SIPA1L2: variants seen among roughly 807,000 people sequenced by gnomAD.
The protein encoded by SIPA1L2 is signal induced proliferation associated 1 like 2.
A neutral mutation model predicts 163.9 loss-of-function variants in SIPA1L2; 56 were observed. The observed-to-expected ratio is 0.34, with a 90% CI of 0.28 to 0.43. SIPA1L2 has a LOEUF of 0.43. Among genes scored for constraint, SIPA1L2 ranks in the 20% least tolerant of loss-of-function variants. The probability of loss-of-function intolerance (pLI) is 1.00; values close to 1 mark genes in which losing one functional copy is unlikely to be tolerated. For missense variants in SIPA1L2, 1,974 were observed against 2,193.5 expected (o/e 0.90, Z 2.00); for synonymous variants, 877 against 865.7 (o/e 1.01, Z -0.23).
Position 232,465,495 on chromosome 1 carries a change from TACAC to T in SIPA1L2, c.2244-83_2244-80del. 7.5e-6 allele frequency: 8 copies of T among 1,065,620 alleles called. No homozygotes were observed. Among genetic ancestry groups the T allele is most frequent in the African/African-American group, 1.6e-5 (1 of 61,660 alleles). 66.0% of individuals were successfully genotyped at this position (1,065,620 alleles called of 1,614,324 possible). On this transcript the variant is annotated intron_variant, in intron 8 of 22. Transcript: ENST00000674635. The surrounding 1 kb of genome is among the most constrained non-coding windows in gnomAD (Gnocchi z 4.1). ...TATCTTTCCGAATTTGACATATATA[TACAC>T]ACACACACACATATACATACACACA... is the stretch of plus-strand genomic sequence containing the variant.
rs191594756 is a variant in SIPA1L2, at chr1:232,552,102, A to C, written c.-270+22072T>G. 1.8e-4 allele frequency among the ~76,000 whole-genome samples: 28 copies of C among 152,224 alleles called. No homozygotes were observed. In the East Asian group the frequency reaches 5.0e-3, roughly 27 times the overall value. The stretch of plus-strand genomic sequence containing the variant: ...CGATCCACCCACCTCGGCCTCCCAA[A>C]GTGCTGGGATTACAGGCGTGAGCCA... On this transcript the variant is annotated intron_variant, in intron 2 of 22. Coordinates refer to ENST00000674635, the MANE Select transcript of SIPA1L2 (RefSeq NM_020808.5).
intron 17 of SIPA1L2, 38 bp from the exon 18 acceptor site, chr1:232,425,846 TAA>T: frequency 6.4e-7 from 1 of 1,571,084 alleles, no homozygotes; most frequent in East Asian, 2.3e-5. Context: ...GAACAGACAT[TAA>T]AAAAACGAAT....
chr1:232,499,824 G>A (rs953907467), intron 3 of SIPA1L2, among the ~76,000 whole-genome samples: 8 of 152,206 alleles, frequency 5.3e-5, no homozygotes, highest in Admixed American at 1.3e-4. Context: ...TCTTGCTAGT[G>A]GCTAACACAG....
chr1:232,628,107 C>A (rs1663177246), intron 1 of SIPA1L2, among the ~76,000 whole-genome samples: 1 of 152,212 alleles, frequency 6.6e-6, no homozygotes, highest in Non-Finnish European at 1.5e-5. Context: ...CGTGATCTTG[C>A]TTTAGAATAA....
chr1:232,399,313 C>T (rs191090380), intron 22 of SIPA1L2, 40 bp from the exon 23 acceptor site: 56 of 1,594,106 alleles, frequency 3.5e-5, no homozygotes, highest in Admixed American at 8.4e-5. Flanking sequence ...GGAGACTGAT[C>T]GATACATTCA....
intron 1 of SIPA1L2, among the ~76,000 whole-genome samples, chr1:232,606,604 A>G (rs1661934503): frequency 6.7e-6 from 1 of 149,598 alleles, no homozygotes; most frequent in Non-Finnish European, 1.5e-5. Flanking sequence ...GGCCTTACCA[A>G]TGAATTATAT....
chr1:232,526,993 T>C (rs1573029901), intron 2 of SIPA1L2, among the ~76,000 whole-genome samples: 1 of 152,144 alleles, frequency 6.6e-6, no homozygotes. Context: ...AAAGACAAAG[T>C]ACCAGAGTGT....
intron 2 of SIPA1L2, among the ~76,000 whole-genome samples, chr1:232,542,782 C>G (rs1657767918): frequency 6.6e-6 from 1 of 152,212 alleles, no homozygotes; most frequent in African/African-American, 2.4e-5. Context: ...TTCTGGTAGT[C>G]TGGGTCTTCC....
intron 2 of SIPA1L2, among the ~76,000 whole-genome samples, chr1:232,540,851 A>T (rs1657615283): frequency 6.6e-6 from 1 of 152,230 alleles, no homozygotes; most frequent in African/African-American, 2.4e-5. Context: ...GCACCTTGCT[A>T]TTAACTTACA....
At chr1:232,474,742 A>G (rs1467316049) in intron 7 of SIPA1L2, among the ~76,000 whole-genome samples, 2 of 152,154 alleles carry the variant, frequency 1.3e-5, no homozygotes, top group African/African-American at 4.8e-5. Context: ...TACAACTATT[A>G]TATATCAGTA....
At position 232,596,880 on chromosome 1, in the gene SIPA1L2, G is replaced by A. The variant is rs73097702; in HGVS notation, c.-318-22658C>T. ...TCTGATTAGAAAATGGTTCATTCCC[G>A]GCCTCCTCCTGCTCAAGGACCAGGC... On this transcript the variant is annotated intron_variant, in intron 1 of 22. Coordinates refer to ENST00000674635, the MANE Select transcript of SIPA1L2 (RefSeq NM_020808.5). Among the ~76,000 whole-genome samples, 435 of 152,170 alleles carry A rather than the reference G, an allele frequency of 2.9e-3. 5 individuals are homozygous for A. Among genetic ancestry groups the A allele is most frequent in the African/African-American group, 0.01 (416 of 41,536 alleles).
Position 232,402,506 on chromosome 1 carries a change from A to AGAGAGTCAATCGAGCATTTTT in SIPA1L2, c.4941-54_4941-34dup, listed in dbSNP as rs778515770. On this transcript the variant is annotated intron_variant, in intron 21 of 22. Transcript: ENST00000674635. ...ATAAGGATAGAATTAGAAAGATTCAAGAGAGTCAATCGAGCATTTTTGTTG... is the reference window on the plus strand; with the variant it reads ...ATAAGGATAGAATTAGAAAGATTCAAGAGAGTCAATCGAGCATTTTTGAGAGTCAATCGAGCATTTTTGTTG... 1,765 of 1,589,572 alleles carry AGAGAGTCAATCGAGCATTTTT rather than the reference A, an allele frequency of 1.1e-3. 3 individuals are homozygous for AGAGAGTCAATCGAGCATTTTT. Among genetic ancestry groups the AGAGAGTCAATCGAGCATTTTT allele is most frequent in the Non-Finnish European group, 1.3e-3 (1,525 of 1,165,096 alleles).
intron 19 of SIPA1L2, among the ~76,000 whole-genome samples, chr1:232,413,066 C>G (rs1444510753): frequency 6.6e-6 from 1 of 152,210 alleles, no homozygotes; most frequent in Non-Finnish European, 1.5e-5. Context: ...CACCCATACT[C>G]TTACTTCAGC....
chr1:232,514,064 G>C lies in SIPA1L2; in HGVS notation c.1276C>G (p.Leu426Val). The stretch of plus-strand genomic sequence containing the variant: ...AAAGAGGATGAGTTGGCTCGAGAGA[G>C]CGCAATCCGCCTGTCGCCTTCCCCT... ...TGGEGDRRIALSRANSSSFSS... is the reference protein window; with the variant it reads ...TGGEGDRRIAVSRANSSSFSS... The change falls in exon 3 of 23, where the codon CTC (leucine) becomes GTC (valine). Residue 426 changes from leucine to valine, a missense_variant. By Grantham distance (32) the Leu-to-Val change is conservative. Around this residue, in one of 3 missense-constraint regions of SIPA1L2, gnomAD observed 607 missense variants for 624.0 expected, o/e 0.97. Transcript: ENST00000674635. The C allele has an allele frequency of 1.9e-6, 3 of 1,614,194 alleles. No individual in the cohort carries two copies. The highest frequency in any genetic ancestry group is 2.5e-6 in the Non-Finnish European group (3 of 1,180,026).
At position 232,618,673 on chromosome 1, in the gene SIPA1L2, C is replaced by A. The variant is rs545696206; in HGVS notation, c.-319+11196G>T. Among the ~76,000 whole-genome samples, 174 of 149,664 alleles carry A rather than the reference C, an allele frequency of 1.2e-3. 2 individuals carry two copies. Among genetic ancestry groups the A allele is most frequent in the African/African-American group, 3.8e-3 (153 of 40,608 alleles). Reference sequence around the variant, plus strand: ...CATCTCAAAAAAAAAAAAAAAAACTCTTGTTACTCCGCATAATTTTAAAAT... The same window carrying A: ...CATCTCAAAAAAAAAAAAAAAAACTATTGTTACTCCGCATAATTTTAAAAT... On this transcript the variant is annotated intron_variant, in intron 1 of 22. Transcript: ENST00000674635.
intron 22 of SIPA1L2, among the ~76,000 whole-genome samples, chr1:232,401,638 C>T (rs1045611632): frequency 3.3e-5 from 5 of 152,194 alleles, no homozygotes; most frequent in African/African-American, 1.2e-4. Flanking sequence ...TGTCCCTACT[C>T]CTATCCAAGG....
chr1:232,531,607 T>C (rs1656945329), intron 2 of SIPA1L2, among the ~76,000 whole-genome samples: 1 of 152,226 alleles, frequency 6.6e-6, no homozygotes, highest in Non-Finnish European at 1.5e-5. Flanking sequence ...AGGACAAGTA[T>C]TCTGGCAGAA....
intron 2 of SIPA1L2, among the ~76,000 whole-genome samples, chr1:232,572,690 C>CAT (rs1558277143): frequency 2.0e-5 from 1 of 51,212 alleles, no homozygotes; most frequent in Non-Finnish European, 3.8e-5. Flanking sequence ...CACACATATA[C>CAT]ATACATATAT....
At chr1:232,499,853 A>C (rs1166950686) in intron 3 of SIPA1L2, among the ~76,000 whole-genome samples, 1 of 152,256 alleles carries the variant, frequency 6.6e-6, no homozygotes, top group Non-Finnish European at 1.5e-5. Context: ...TTTAAGTTGA[A>C]GCCAATGCTT....
Sources: allele counts gnomAD v4.1 joint callset (sites outside exome capture counted in the v4.1 genomes callset), GRCh38; gene constraint gnomAD v4.1.1; regional missense constraint gnomAD v4.1.1; non-coding constraint Gnocchi (gnomAD v3.1); transcripts MANE v1.5; gene names NCBI Gene and HGNC (gene_info 2026-07-23, HGNC 2026-07-21).